The following CORIN variants were observed in gnomAD, a reference collection of about 807,000 sequenced individuals.
CORIN encodes atrial natriuretic peptide-converting enzyme.
A neutral mutation model predicts 125.3 loss-of-function variants in CORIN; 117 were observed. That is an observed-to-expected ratio of 0.93 (90% CI 0.80 to 1.09). CORIN has a LOEUF of 1.09. Among genes scored for constraint, CORIN ranks in the 50% least tolerant of loss-of-function variants. The pLI is 0.00. For missense variants in CORIN, 1,253 were observed against 1,306.7 expected, an observed-to-expected ratio of 0.96 and a Z score of 0.63; for synonymous variants, 450 against 466.4, an observed-to-expected ratio of 0.96 and a Z score of 0.45.
At chr4:47,652,227 C>T (rs1243497456) in intron 13 of CORIN, among the ~76,000 whole-genome samples, 1 of 152,146 alleles carries the variant, frequency 6.6e-6, no homozygotes, top group Non-Finnish European at 1.5e-5. Flanking sequence ...TTACCCCAGA[C>T]ATTGTACCAT....
At chr4:47,714,038 G>A (rs926351104) in intron 5 of CORIN, among the ~76,000 whole-genome samples, 2 of 152,114 alleles carry the variant, frequency 1.3e-5, no homozygotes, top group Admixed American at 1.3e-4. Context: ...GAAAGGGCAC[G>A]GGGTTTTACC....
intron 5 of CORIN, among the ~76,000 whole-genome samples, chr4:47,712,528 T>C (rs984003069): frequency 2.0e-5 from 3 of 152,018 alleles, no homozygotes; most frequent in African/African-American, 7.2e-5. Context: ...AACAGTCCAC[T>C]CTCCTTGGCC....
At chr4:47,741,568 A>C (rs955171540) in intron 5 of CORIN, among the ~76,000 whole-genome samples, 3 of 152,104 alleles carry the variant, frequency 2.0e-5, no homozygotes, top group African/African-American at 7.2e-5. Flanking sequence ...GAATTAAAAC[A>C]GTATGTCCAC....
intron 5 of CORIN, among the ~76,000 whole-genome samples, chr4:47,730,197 G>A (rs913129497): frequency 5.3e-5 from 8 of 152,012 alleles, no homozygotes; most frequent in South Asian, 2.1e-4. Context: ...CTTGCAGGCC[G>A]GGCGCGGTGG....
At chr4:47,638,921 T>G (rs540045033) in intron 16 of CORIN, among the ~76,000 whole-genome samples, 1 of 152,326 alleles carries the variant, frequency 6.6e-6, no homozygotes, top group African/African-American at 2.4e-5. Flanking sequence ...AGCACTGAGT[T>G]GAGAGCCTAG....
At chr4:47,655,149 G>A (rs1465250950) in intron 12 of CORIN, among the ~76,000 whole-genome samples, 1 of 152,064 alleles carries the variant, frequency 6.6e-6, no homozygotes, top group Non-Finnish European at 1.5e-5. Flanking sequence ...GAGCCCTTGG[G>A]CCCTGAATAA....
intron 9 of CORIN, among the ~76,000 whole-genome samples, chr4:47,675,011 G>A (rs1430090276): frequency 1.3e-5 from 2 of 152,202 alleles, no homozygotes; most frequent in Non-Finnish European, 2.9e-5. Context: ...GTGTTATGCA[G>A]CTGTTATCCA....
chr4:47,765,724 A>T (rs576304976), intron 3 of CORIN, among the ~76,000 whole-genome samples: 1 of 152,272 alleles, frequency 6.6e-6, no homozygotes, highest in East Asian at 1.9e-4. Context: ...GAGAAATTAT[A>T]TTGTAGGGTG....
chr4:47,803,844 A>G (rs1408222019), intron 2 of CORIN, among the ~76,000 whole-genome samples: 6 of 152,220 alleles, frequency 3.9e-5, no homozygotes, highest in Non-Finnish European at 8.8e-5. Context: ...CAAAGCAAAA[A>G]TGAACAGCTG....
intron 5 of CORIN, among the ~76,000 whole-genome samples, chr4:47,716,605 T>C (rs1023899226): frequency 2.0e-5 from 3 of 152,146 alleles, no homozygotes; most frequent in African/African-American, 7.2e-5. Context: ...TATATAACGA[T>C]CCAATACAAT....
intron 19 of CORIN, among the ~76,000 whole-genome samples, chr4:47,604,425 TATA>T (rs1404668729): frequency 6.6e-6 from 1 of 152,206 alleles, no homozygotes; most frequent in Non-Finnish European, 1.5e-5. Flanking sequence ...ACCCCAAATG[TATA>T]TCTCCAGCTC....
chr4:47,766,513 G>C (rs1270262087), intron 3 of CORIN, among the ~76,000 whole-genome samples: 2 of 152,100 alleles, frequency 1.3e-5, no homozygotes, highest in East Asian at 3.8e-4. Flanking sequence ...TGAGAGGCTA[G>C]GATTATTCCA....
intron 6 of CORIN, among the ~76,000 whole-genome samples, chr4:47,684,746 G>C (rs1040340295): frequency 1.3e-5 from 2 of 152,026 alleles, no homozygotes; most frequent in African/African-American, 4.8e-5. Flanking sequence ...AAGAAATTTG[G>C]ATATCCAGAG....
At chr4:47,774,927 C>T (rs767678836) in intron 3 of CORIN, among the ~76,000 whole-genome samples, 15 of 152,212 alleles carry the variant, frequency 9.9e-5, no homozygotes, top group Non-Finnish European at 2.1e-4. Context: ...AGCAGAAAAG[C>T]GGAATGATGG....
chr4:47,809,698 G>T (rs544503733), intron 1 of CORIN, among the ~76,000 whole-genome samples: 1 of 152,014 alleles, frequency 6.6e-6, no homozygotes, highest in Non-Finnish European at 1.5e-5. Context: ...AAGCCACCAC[G>T]CCCAGCCAGA....
rs780623218 is a variant in CORIN at position 47,595,781 on chromosome 4, C to T, written c.3069G>A (p.Val1023=). 6.2e-7 allele frequency: 1 copy of T among 1,613,398 alleles called. No individual in the cohort carries two copies. Among genetic ancestry groups the T allele is most frequent in the South Asian group, 1.1e-5 (1 of 90,992 alleles). Residue 1023 remains valine (V), a synonymous_variant, in exon 22 of 22, where the codon GTG becomes GTA. Transcript: ENST00000273857. Reference sequence around the variant, plus strand: ...TTTTAATCCATTCGACGAAATATGACACATTACTATAAACGCCAGGCCCCA... The same window carrying T: ...TTTTAATCCATTCGACGAAATATGATACATTACTATAAACGCCAGGCCCCA... ...KVLGPGVYSN[V]SYFVEWIKRQ... is the part of the protein sequence containing the mutation.
Position 47,612,603 on chromosome 4 carries a change from G to A in CORIN, c.2541-8935C>T, listed in dbSNP as rs531123618. On this transcript the variant is annotated intron_variant, in intron 19 of 21. Coordinates refer to ENST00000273857, the MANE Select transcript of CORIN (RefSeq NM_006587.4). The stretch of plus-strand genomic sequence containing the variant: ...TTAGAGAAGAGAAATCAGTGACTCA[G>A]AGGAGATGAGCAACTCATCTAAAGT... Among the ~76,000 whole-genome samples the A allele has an allele frequency of 1.5e-4, 23 of 152,278 alleles. No homozygotes were observed. The South Asian group carries it at 3.5e-3, about 23-fold the overall frequency.
At chr4:47,807,189 C>T (rs1731835064) in intron 1 of CORIN, 142 bp from the exon 2 acceptor site, 1 of 592,130 alleles carries the variant, frequency 1.7e-6, no homozygotes, top group African/African-American at 1.9e-5. Context: ...TGAGCTTAGT[C>T]AACAAATCAT....
intron 19 of CORIN, among the ~76,000 whole-genome samples, chr4:47,606,380 C>G (rs1721645120): frequency 6.6e-6 from 1 of 152,120 alleles, no homozygotes; most frequent in South Asian, 2.1e-4. Context: ...AGCCCCCCAC[C>G]AAGTAGCTGA....
Sources: gnomAD v4.1 joint callset for allele counts (sites outside exome capture counted in the v4.1 genomes callset) on GRCh38, gnomAD v4.1.1 for gene constraint, MANE v1.5 for transcripts, NCBI Gene and HGNC (gene_info 2026-07-23, HGNC 2026-07-21) for gene names.